SMARCD3: variants seen among roughly 807,000 people sequenced by gnomAD.
SMARCD3 encodes SWI/SNF-related matrix-associated actin-dependent regulator of chromatin subfamily D member 3.
SMARCD3 carries 14 observed loss-of-function variants against 58.0 expected under a neutral mutation model. That is an observed-to-expected ratio of 0.24 (90% CI 0.16 to 0.38). The LOEUF (loss-of-function observed/expected upper bound fraction) is 0.38, where lower values mean the gene tolerates loss of function less well. Among genes scored for constraint, SMARCD3 ranks in the 10% least tolerant of loss-of-function variants. The pLI, the probability that SMARCD3 is intolerant of heterozygous loss-of-function variation, is 1.00. For missense variants in SMARCD3, 408 were observed against 636.9 expected (o/e 0.64, Z 3.87); for synonymous variants, 253 against 253.8 (o/e 1.00, Z 0.03).
Position 151,246,066 on chromosome 7 carries a change from G to A in SMARCD3, c.79-395C>T. 6.4e-6 allele frequency: 1 copy of A among 156,144 alleles called. No homozygotes were observed. The highest frequency in any genetic ancestry group is 1.4e-5 in the Non-Finnish European group (1 of 70,628). 9.7% of individuals were successfully genotyped at this position (156,144 alleles called of 1,614,324 possible). A position where few individuals can be genotyped will look rare whatever the true frequency, so the allele number is the denominator to read the frequency against. ...CCACTTGACGGATGGGGCCACTGTG[G>A]CTCAAGGAGAAAAATGACCTCGCCA... On this transcript the variant is annotated intron_variant, in intron 1 of 12. Coordinates refer to ENST00000262188, the MANE Select transcript of SMARCD3 (RefSeq NM_001003801.2). The surrounding 1 kb of genome is among the most constrained non-coding windows in gnomAD (Gnocchi z 4.4).
chr7:151,241,921 C>T lies in SMARCD3; in HGVS notation c.733G>A (p.Asp245Asn). 4 of 1,612,878 alleles carry T rather than the reference C, an allele frequency of 2.5e-6. No individual in the cohort carries two copies. Among genetic ancestry groups the T allele is most frequent in the Non-Finnish European group, 3.4e-6 (4 of 1,179,540 alleles). Residue 245 changes from aspartate to asparagine, a missense_variant, in exon 7 of 13, where the codon GAC becomes AAC. Asp to Asn is a conservative substitution (Grantham distance 23, BLOSUM62 1). This residue lies in a region of SMARCD3 where 115 missense variants were observed against 257.2 expected (regional missense o/e 0.45). Coordinates refer to ENST00000262188, the MANE Select transcript of SMARCD3 (RefSeq NM_001003801.2). The surrounding 1 kb of genome is among the most constrained non-coding windows in gnomAD (Gnocchi z 5.3). The part of the protein sequence containing the change: ...TDGFQVKRPG[D>N]LSVRCTLLLM... ...AGCAGCGTGCAGCGCACACTCAGGT[C>T]CCCAGGCCGTTTCACCTGGAAGCCG... is the stretch of plus-strand genomic sequence containing the variant.
chr7:151,243,850 G>C lies in SMARCD3; in HGVS notation c.291-149C>G. The C allele has an allele frequency of 2.7e-6, 2 of 739,282 alleles. No homozygotes were observed. The highest frequency in any genetic ancestry group is 5.0e-6 in the Non-Finnish European group (2 of 403,496). 45.8% of individuals were successfully genotyped at this position (739,282 alleles called of 1,614,324 possible). On this transcript the variant is annotated intron_variant, in intron 2 of 12. Transcript: ENST00000262188. The surrounding 1 kb of genome is among the most constrained non-coding windows in gnomAD (Gnocchi z 4.4). ...TGCCCGCCCAAGGGCTGTGACGGTG[G>C]TGTGTGGAACCGGTGCTCTGTCCTC...
chr7:151,239,873 G>A lies in SMARCD3; in HGVS notation c.1174-127C>T. On this transcript the variant is annotated intron_variant, in intron 10 of 12. Coordinates refer to ENST00000262188, the MANE Select transcript of SMARCD3 (RefSeq NM_001003801.2). The surrounding 1 kb of genome is among the most constrained non-coding windows in gnomAD (Gnocchi z 7.0). The stretch of plus-strand genomic sequence containing the variant: ...TGAAGGACAACCCCTCAGAGCCCCT[G>A]ATTTCTCTGAAGTCCCAGGGGAGGA... The A allele has an allele frequency of 9.3e-7, 1 of 1,080,858 alleles. No homozygotes were observed. Among genetic ancestry groups the A allele is most frequent in the Non-Finnish European group, 1.3e-6 (1 of 747,604 alleles). The allele number at this position is 1,080,858 out of a possible 1,614,324, so 67.0% of individuals were successfully genotyped here.
At position 151,243,677 on chromosome 7, in the gene SMARCD3, G is replaced by A. The variant is rs1208943890; in HGVS notation, c.315C>T (p.Asp105=). 13 of 1,610,920 alleles carry A rather than the reference G, an allele frequency of 8.1e-6. No individual in the cohort carries two copies. The Admixed American group carries it at 8.3e-5, about 10-fold the overall frequency. The change falls in exon 3 of 13, where the codon GAC becomes GAT. Residue 105 remains aspartate (D), a synonymous_variant. Transcript: ENST00000262188. The surrounding 1 kb of genome is among the most constrained non-coding windows in gnomAD (Gnocchi z 4.4). ...CACTCACCCTTTGAGGGAGGATTTTGTCAGCCATCTTCCTCCTCTTGGCAC... is the reference window on the plus strand; with the variant it reads ...CACTCACCCTTTGAGGGAGGATTTTATCAGCCATCTTCCTCCTCTTGGCAC... The part of the protein sequence containing the change: ...SRSAKRRKMA[D]KILPQRIREL...
intron 1 of SMARCD3, among the ~76,000 whole-genome samples, chr7:151,275,826 A>C (rs768787328): frequency 6.6e-6 from 1 of 152,032 alleles, no homozygotes; most frequent in Non-Finnish European, 1.5e-5. Context: ...TTGGGTCAGG[A>C]CCCAACTTAT....
At chr7:151,274,328 G>T (rs997530604) in intron 2 of SMARCD3, among the ~76,000 whole-genome samples, 6 of 152,370 alleles carry the variant, frequency 3.9e-5, no homozygotes, top group Non-Finnish European at 1.5e-5. Context: ...CATGCCAGCT[G>T]GGGCTCTGGG....
chr7:151,239,779 GC>G lies in SMARCD3; in HGVS notation c.1174-34del, dbSNP rs751169859. 1.2e-5 allele frequency: 20 copies of G among 1,612,234 alleles called. No homozygotes were observed. On this transcript the variant is annotated intron_variant, in intron 10 of 12. Coordinates refer to ENST00000262188, the MANE Select transcript of SMARCD3 (RefSeq NM_001003801.2). The surrounding 1 kb of genome is among the most constrained non-coding windows in gnomAD (Gnocchi z 7.0). ...TAGAAAGATAGATGCTTTCCACCTG[GC>G]TTTGGTGATGTGGGAGACGAGGGGA... is the stretch of plus-strand genomic sequence containing the variant.
rs34508011 is a variant in SMARCD3 at position 151,255,884 on chromosome 7, CT to C, written c.40-10214del. Among the ~76,000 whole-genome samples the C allele has an allele frequency of 1.4e-3, 208 of 145,290 alleles. 1 individual carries two copies. Among genetic ancestry groups the C allele is most frequent in the Middle Eastern group, 3.5e-3 (1 of 284 alleles). ...ACCATTTTAACCTCCCTTGCATGTA[CT>C]TTTTTTTTTTTTTGAGACAGAGTCT... On this transcript the variant is annotated intron_variant, in intron 2 of 13. Transcript: ENST00000356800.
Position 151,246,658 on chromosome 7 carries a change from C to CT in SMARCD3, c.79-988dup, listed in dbSNP as rs965748762. 2.6e-5 allele frequency among the ~76,000 whole-genome samples: 4 copies of CT among 152,136 alleles called. No homozygotes were observed. Among genetic ancestry groups the CT allele is most frequent in the African/African-American group, 9.7e-5 (4 of 41,450 alleles). On this transcript the variant is annotated intron_variant, in intron 1 of 12. Transcript: ENST00000262188. This position sits in a 1 kb window ranked among gnomAD's most constrained non-coding sequence, Gnocchi z 4.4. ...TCAGGGTTCATGGGGGCTGTGGAGA[C>CT]TGAGAGGAGGCGGCTCCTCCTCCCT...
intron 2 of SMARCD3, among the ~76,000 whole-genome samples, chr7:151,266,879 CTG>C (rs755470855): frequency 7.2e-5 from 11 of 152,120 alleles, no homozygotes; most frequent in Non-Finnish European, 1.3e-4. Flanking sequence ...GTCTGGCTAA[CTG>C]TTAAAATTTT....
intron 2 of SMARCD3, among the ~76,000 whole-genome samples, chr7:151,268,080 T>C (rs7783602): frequency 0.61 from 92,651 of 152,082 alleles, 29,518 homozygotes; most frequent in African/African-American, 0.77. Context: ...TTTTCTGGGC[T>C]GGGGGATAGA....
In SMARCD3 at chr7:151,239,536, C is replaced by T. The variant is rs776169626; in HGVS notation, c.1297-39G>A. 42 of 1,608,038 alleles carry T rather than the reference C, an allele frequency of 2.6e-5. No individual in the cohort carries two copies. Among genetic ancestry groups the T allele is most frequent in the Non-Finnish European group, 3.6e-5 (42 of 1,174,860 alleles). On this transcript the variant is annotated intron_variant, in intron 11 of 12. Transcript: ENST00000262188. This position sits in a 1 kb window ranked among gnomAD's most constrained non-coding sequence, Gnocchi z 7.0. ...TGGGGTGAGCCCTGAGCCCTGAATC[C>T]CCTCACCTGCCCCTGGAGTACAACG...
At chr7:151,256,538 G>A (rs117110169) in intron 2 of SMARCD3, among the ~76,000 whole-genome samples, 1,741 of 152,102 alleles carry the variant, frequency 0.011, 22 homozygotes, top group Admixed American at 0.018. Context: ...CTGCAACCAC[G>A]CACCTGAATG....
Position 151,239,456 on chromosome 7 carries a change from C to T in SMARCD3, c.1338G>A (p.Arg446=), listed in dbSNP as rs776316188. 6.2e-7 allele frequency: 1 copy of T among 1,613,794 alleles called. No homozygotes were observed. The highest frequency in any genetic ancestry group is 1.3e-5 in the African/African-American group (1 of 75,018). The stretch of plus-strand genomic sequence containing the variant: ...ACCAGGGCTGGTGGTAGAACTCAGC[C>T]CGGCGCTCCTCTTCAGGGTTGCCGG... The part of the protein sequence containing the change: ...DVAGNPEEER[R]AEFYHQPWSQ... Residue 446 remains arginine, a synonymous_variant, in exon 12 of 13, where the codon CGG becomes CGA. Transcript: ENST00000262188. This position sits in a 1 kb window ranked among gnomAD's most constrained non-coding sequence, Gnocchi z 7.0.
At chr7:151,254,160 G>A (rs1296334134) in intron 2 of SMARCD3, 2 of 152,268 alleles carry the variant, frequency 1.3e-5, no homozygotes, top group East Asian at 3.8e-4. Context: ...AGGCAGCCAG[G>A]GCTGGGAAGC....
Position 151,241,784 on chromosome 7 carries a change from G to A in SMARCD3, c.777+93C>T. On this transcript the variant is annotated intron_variant, in intron 7 of 12. Transcript: ENST00000262188. The surrounding 1 kb of genome is among the most constrained non-coding windows in gnomAD (Gnocchi z 5.3). The stretch of plus-strand genomic sequence containing the variant: ...CCTGGGGAAGGATAGGTTTGGGAGG[G>A]GAAGGAGGTCTCTCAAGATGCACCA... The A allele has an allele frequency of 7.2e-7, 1 of 1,387,436 alleles. No homozygotes were observed. 85.9% of individuals were successfully genotyped at this position (1,387,436 alleles called of 1,614,324 possible).
chr7:151,240,001 T>TG (rs896660608), intron 10 of SMARCD3, 111 bp downstream of exon 10: 12 of 1,172,850 alleles, frequency 1.0e-5, no homozygotes, highest in Non-Finnish European at 1.4e-5. Context: ...TTTTTTTTTT[T>TG]TTTTTAATTT....
At chr7:151,261,215 C>G (rs190346292) in intron 2 of SMARCD3, among the ~76,000 whole-genome samples, 4 of 152,352 alleles carry the variant, frequency 2.6e-5, no homozygotes, top group Admixed American at 2.6e-4. Context: ...CCAGTTGGCA[C>G]TGCTGACATC....
chr7:151,248,524 G>A lies in SMARCD3; in HGVS notation c.39C>T (p.Ala13=), dbSNP rs748434783. ...ADEVAGGARK[A]TKSKLFEFLV... is the part of the protein sequence containing the mutation. ...GAAACTCAAAAAGTTTGCTTTTCGT[G>A]GCTTTGCGCGCCCCTCCGGCAACTT... Residue 13 remains alanine (A), a synonymous_variant, in exon 1 of 13, where the codon GCC becomes GCT. Coordinates refer to ENST00000262188, the MANE Select transcript of SMARCD3 (RefSeq NM_001003801.2). The surrounding 1 kb of genome is among the most constrained non-coding windows in gnomAD (Gnocchi z 6.1). 5 of 1,613,348 alleles carry A rather than the reference G, an allele frequency of 3.1e-6. No individual in the cohort carries two copies. The highest frequency in any genetic ancestry group is 4.2e-6 in the Non-Finnish European group (5 of 1,179,666).
Sources: allele counts gnomAD v4.1 joint callset (sites outside exome capture counted in the v4.1 genomes callset), GRCh38; gene constraint gnomAD v4.1.1; regional missense constraint gnomAD v4.1.1; non-coding constraint Gnocchi (gnomAD v3.1); transcripts MANE v1.5; gene names NCBI Gene and HGNC (gene_info 2026-07-23, HGNC 2026-07-21).